ANKRD28: variants seen among roughly 807,000 people sequenced by gnomAD.
ANKRD28 encodes ankyrin repeat domain 28, also known as serine/threonine-protein phosphatase 6 regulatory ankyrin repeat subunit A.
Under a neutral mutation model 126.5 loss-of-function variants are expected in ANKRD28, and 44 were observed. That is an observed-to-expected ratio of 0.35 (90% CI 0.27 to 0.45). The LOEUF is 0.45. ANKRD28 is among the 20% of genes least tolerant of loss of function. ANKRD28 has a pLI of 1.00. For synonymous variants in ANKRD28, 442 were observed against 468.5 expected, an observed-to-expected ratio of 0.94 and a Z score of 0.73; for missense variants, 1,110 against 1,316.6, an observed-to-expected ratio of 0.84 and a Z score of 2.43.
At chr3:15,848,453 T>C (rs2061571614) in intron 1 of ANKRD28, among the ~76,000 whole-genome samples, 1 of 152,090 alleles carries the variant, frequency 6.6e-6, no homozygotes, top group African/African-American at 2.4e-5. Flanking sequence ...GGTAGGAGGA[T>C]CACTTGAGCC....
intron 3 of ANKRD28, among the ~76,000 whole-genome samples, chr3:15,761,431 C>G (rs1356535042): frequency 6.6e-6 from 1 of 152,060 alleles, no homozygotes; most frequent in Non-Finnish European, 1.5e-5. Context: ...TAATTTATAA[C>G]TCAACTTACC....
intron 3 of ANKRD28, among the ~76,000 whole-genome samples, chr3:15,762,885 T>C (rs1360878695): frequency 1.3e-5 from 2 of 152,178 alleles, no homozygotes; most frequent in African/African-American, 4.8e-5. Flanking sequence ...TTTTTTTAGA[T>C]GAGGAAGTTG....
At chr3:15,711,792 T>G (rs555462607) in intron 11 of ANKRD28, among the ~76,000 whole-genome samples, 1 of 151,998 alleles carries the variant, frequency 6.6e-6, no homozygotes, top group African/African-American at 2.4e-5. Context: ...GTTCAAGCGA[T>G]TCTCCTGCCT....
intron 3 of ANKRD28, among the ~76,000 whole-genome samples, chr3:15,753,309 G>T (rs1445518426): frequency 6.6e-6 from 1 of 152,248 alleles, no homozygotes; most frequent in Non-Finnish European, 1.5e-5. Flanking sequence ...GTTTTGGGTA[G>T]AAGACGGAAT....
intron 1 of ANKRD28, among the ~76,000 whole-genome samples, chr3:15,795,804 T>G (rs1553638395): frequency 6.6e-6 from 1 of 152,090 alleles, no homozygotes; most frequent in Non-Finnish European, 1.5e-5. Context: ...AAATAGCCAC[T>G]AATCAAAGAC....
chr3:15,769,678 G>GTT (rs1424216502), intron 2 of ANKRD28, among the ~76,000 whole-genome samples: 2 of 152,106 alleles, frequency 1.3e-5, no homozygotes, highest in Non-Finnish European at 2.9e-5. Context: ...CTGACTAGTA[G>GTT]TTTACCACTA....
Position 15,812,075 on chromosome 3 carries a change from C to T in ANKRD28, c.28-16769G>A, listed in dbSNP as rs566985563. 2.0e-3 allele frequency among the ~76,000 whole-genome samples: 309 copies of T among 151,958 alleles called. 2 individuals are homozygous for T. The highest frequency in any genetic ancestry group is 0.01 in the Middle Eastern group (3 of 290). ...GGCTGAGGTCGGAGAATCGCTTGAA[C>T]CCAGGAGGCTGAGGTTGCAGTGAGC... On this transcript the variant is annotated intron_variant, in intron 1 of 27. Coordinates refer to the ANKRD28 transcript ENST00000399451. This position sits in a 1 kb window ranked among gnomAD's most constrained non-coding sequence, Gnocchi z 4.1.
Position 15,738,112 on chromosome 3 carries a change from A to G in ANKRD28, c.352-879T>C, listed in dbSNP as rs149163462. Among the ~76,000 whole-genome samples, 149 of 152,056 alleles carry G rather than the reference A, an allele frequency of 9.8e-4. No homozygotes were observed. In the Middle Eastern group the frequency reaches 0.014, roughly 14 times the overall value. On this transcript the variant is annotated intron_variant, in intron 4 of 27. Transcript: ENST00000683139. ...CATTAAGCAATATAATCAGAACTAA[A>G]CTCAACAAAATTTTTCTTTCAGTGA...
At chr3:15,696,027 TA>T in intron 15 of ANKRD28, 106 bp downstream of exon 15, 1 of 805,802 alleles carries the variant, frequency 1.2e-6, no homozygotes. Context: ...CTGAAAATGT[TA>T]AAAAACAAAA....
chr3:15,855,562 A>C (rs1025503861), intron 1 of ANKRD28, among the ~76,000 whole-genome samples: 7 of 152,252 alleles, frequency 4.6e-5, no homozygotes, highest in Admixed American at 2.6e-4. Flanking sequence ...CAGTGAGATG[A>C]CCTGAGTACA....
At chr3:15,720,825 A>G (rs962525850) in intron 8 of ANKRD28, 90 bp downstream of exon 8, 3 of 1,158,774 alleles carry the variant, frequency 2.6e-6, no homozygotes, top group East Asian at 5.0e-5. Flanking sequence ...GTTTATCAAT[A>G]TTCCTTTTTA....
chr3:15,767,460 G>C (rs1298468008), intron 2 of ANKRD28, among the ~76,000 whole-genome samples: 1 of 152,112 alleles, frequency 6.6e-6, no homozygotes, highest in African/African-American at 2.4e-5. Context: ...CACCCAGTGA[G>C]AGAATACATT....
chr3:15,756,500 AG>A (rs2058164401), intron 3 of ANKRD28: 1 of 985,434 alleles, frequency 1.0e-6, no homozygotes, highest in African/African-American at 1.7e-5. Flanking sequence ...CTAGGGCTCT[AG>A]GCAGCCAGCA....
rs569761948 is a variant in ANKRD28, at chr3:15,777,849, T to TACACACACACACAC, written c.202-11551_202-11538dup. ...ACTGCTCCCATCACCAAAACCAAAC[T>TACACACACACACAC]ACACACACACACACACACACACACA... On this transcript the variant is annotated intron_variant, in intron 2 of 27. Transcript: ENST00000683139. 6.4e-3 allele frequency among the ~76,000 whole-genome samples: 676 copies of TACACACACACACAC among 106,156 alleles called. 16 individuals carry two copies. The highest frequency in any genetic ancestry group is 8.6e-3 in the Non-Finnish European group (420 of 48,790). The allele number at this position is 106,156 out of a possible 152,430, so 69.6% of individuals were successfully genotyped here.
chr3:15,701,930 C>T (rs1160890457), intron 14 of ANKRD28, among the ~76,000 whole-genome samples: 2 of 152,064 alleles, frequency 1.3e-5, no homozygotes, highest in Non-Finnish European at 2.9e-5. Context: ...ACATTTTACC[C>T]AAGGGCATTT....
intron 2 of ANKRD28, among the ~76,000 whole-genome samples, chr3:15,774,619 C>T (rs995481197): frequency 5.9e-5 from 9 of 152,096 alleles, no homozygotes; most frequent in African/African-American, 1.9e-4. Flanking sequence ...ATCTTTACAA[C>T]TCAAGTTAGG....
At chr3:15,799,326 A>C (rs562530170), upstream of ANKRD28, among the ~76,000 whole-genome samples, 6 of 152,052 alleles carry the variant, frequency 3.9e-5, no homozygotes, top group East Asian at 1.2e-3. Flanking sequence ...GGAAAAAAAA[A>C]ACAAAAAATC....
In ANKRD28 at chr3:15,686,298, G is replaced by C; in HGVS notation, c.1975C>G (p.His659Asp). The change falls in exon 19 of 28, where the codon CAT becomes GAT. Residue 659 changes from histidine (H) to aspartate (D), a missense_variant. Physicochemically the swap from His to Asp is moderately conservative, Grantham distance 81 (BLOSUM62 -1). Transcript: ENST00000683139. ...ATTAATAGCCGTAAGCATTCTGAAT[G>C]ACCATTTGTTGCTGTAAAGTGAAAT... ...TPIHAAATNGHSECLRLLIGN... is the reference protein window; with the variant it reads ...TPIHAAATNGDSECLRLLIGN... 6.3e-7 allele frequency: 1 copy of C among 1,580,730 alleles called. No homozygotes were observed. The highest frequency in any genetic ancestry group is 8.6e-7 in the Non-Finnish European group (1 of 1,161,230).
chr3:15,795,453 A>G (rs1575713290), intron 1 of ANKRD28, 147 bp from the exon 2 acceptor site: 1 of 517,882 alleles, frequency 1.9e-6, no homozygotes, highest in Non-Finnish European at 3.4e-6. Context: ...AAACCAAATC[A>G]TGTCAAAGTA....
Sources: gnomAD v4.1 joint callset for allele counts (sites outside exome capture counted in the v4.1 genomes callset) on GRCh38, gnomAD v4.1.1 for gene constraint, Gnocchi (gnomAD v3.1) non-coding constraint, MANE v1.5 for transcripts, NCBI Gene and HGNC (gene_info 2026-07-23, HGNC 2026-07-21) for gene names.